OXCT1: variants seen among roughly 807,000 people sequenced by gnomAD.
The protein encoded by OXCT1 is 3-oxoacid CoA-transferase 1.
In OXCT1, 27 loss-of-function variants were observed where a neutral mutation model predicts 69.6. The observed-to-expected ratio is 0.39, with a 90% CI of 0.29 to 0.54. The LOEUF (loss-of-function observed/expected upper bound fraction) is 0.54. Ranked by LOEUF, OXCT1 falls within the 20% of genes least tolerant of loss-of-function variation. The pLI, the probability that OXCT1 is intolerant of heterozygous loss-of-function variation, is 0.72. For missense variants in OXCT1, 437 were observed against 650.2 expected (o/e 0.67, Z 3.57); for synonymous variants, 202 against 217.8 (o/e 0.93, Z 0.64).
chr5:41,854,494 T>C (rs958067672), intron 3 of OXCT1, among the ~76,000 whole-genome samples: 22 of 152,276 alleles, frequency 1.4e-4, no homozygotes, highest in African/African-American at 5.3e-4. Flanking sequence ...AAGATCATCT[T>C]CCATTCAAGA....
chr5:41,747,303 C>T (rs1743545049), intron 15 of OXCT1, among the ~76,000 whole-genome samples: 2 of 152,108 alleles, frequency 1.3e-5, no homozygotes, highest in Admixed American at 1.3e-4. Flanking sequence ...TCTGTGACTA[C>T]ATGTTTTCTT....
At chr5:41,772,125 A>T (rs1368525746) in intron 13 of OXCT1, among the ~76,000 whole-genome samples, 1 of 152,206 alleles carries the variant, frequency 6.6e-6, no homozygotes, top group Non-Finnish European at 1.5e-5. Flanking sequence ...TGGAATATGG[A>T]ATTATTACTA....
chr5:41,845,055 G>A (rs1013778664), intron 5 of OXCT1, among the ~76,000 whole-genome samples: 25 of 151,782 alleles, frequency 1.6e-4, no homozygotes, highest in Non-Finnish European at 3.2e-4. Flanking sequence ...TTCCCACTGC[G>A]TTCCGTAAAA....
At chr5:41,745,857 T>C (rs1438950826) in intron 15 of OXCT1, among the ~76,000 whole-genome samples, 4 of 151,976 alleles carry the variant, frequency 2.6e-5, no homozygotes, top group Admixed American at 6.6e-5. Flanking sequence ...CAGGAAGAAG[T>C]TGAATCTCTG....
chr5:41,779,027 CT>C (rs1347032463), intron 13 of OXCT1, among the ~76,000 whole-genome samples: 1 of 152,186 alleles, frequency 6.6e-6, no homozygotes, highest in Non-Finnish European at 1.5e-5. Flanking sequence ...TAAAATAACT[CT>C]CCACATTTCA....
At position 41,800,387 on chromosome 5, in the gene OXCT1, T is replaced by C. The variant is rs141602821; in HGVS notation, c.1099+635A>G. The stretch of plus-strand genomic sequence containing the variant: ...ACCCCAGTGTACCAGATCTTTTCTT[T>C]TTGCTGCTATGGATTCACTCCCACC... On this transcript the variant is annotated intron_variant, in intron 11 of 16. Coordinates refer to ENST00000196371, the MANE Select transcript of OXCT1 (RefSeq NM_000436.4). Among the ~76,000 whole-genome samples, 13 of 151,930 alleles carry C rather than the reference T, an allele frequency of 8.6e-5. No homozygotes were observed. The East Asian group carries it at 2.6e-3, about 30-fold the overall frequency.
At position 41,851,369 on chromosome 5, in the gene OXCT1, C is replaced by T. The variant is rs75920449; in HGVS notation, c.415-1190G>A. Among the ~76,000 whole-genome samples the T allele has an allele frequency of 3.4e-3, 523 of 152,276 alleles. 1 individual carries two copies. The highest frequency in any genetic ancestry group is 0.012 in the African/African-American group (494 of 41,548). ...TTATCTAGCCAACGGAAAGAGATGA[C>T]TCTACCTTGTGTTGTGAAGTTAGTA... On this transcript the variant is annotated intron_variant, in intron 4 of 16. Transcript: ENST00000196371.
At chr5:41,736,116 C>G (rs1197725675) in intron 16 of OXCT1, among the ~76,000 whole-genome samples, 1 of 152,208 alleles carries the variant, frequency 6.6e-6, no homozygotes, top group African/African-American at 2.4e-5. Context: ...ATTCAGCACT[C>G]AATCCCCAAG....
Position 41,803,140 on chromosome 5 carries a change from G to C in OXCT1, c.979C>G (p.Leu327Val). 6.2e-7 allele frequency: 1 copy of C among 1,611,196 alleles called. No homozygotes were observed. The highest frequency in any genetic ancestry group is 8.5e-7 in the Non-Finnish European group (1 of 1,177,800). The change falls in exon 10 of 17, where the codon CTC (leucine) becomes GTC (valine). Residue 327 changes from leucine (L) to valine (V), a missense_variant. Physicochemically the swap from Leu to Val is conservative, Grantham distance 32. Transcript: ENST00000196371. ...GGGCTGATAAAATTGCTGGCCAGGA[G>C]AGGGATTCCTATGCCCAAATTAGCT... ...MYANLGIGIPLLASNFISPNI... is the reference protein window; with the variant it reads ...MYANLGIGIPVLASNFISPNI...
chr5:41,786,006 G>T (rs1161799751), intron 13 of OXCT1, among the ~76,000 whole-genome samples: 3 of 152,180 alleles, frequency 2.0e-5, no homozygotes, highest in Admixed American at 6.5e-5. Flanking sequence ...GGCAGTAGAA[G>T]AAATGTGAGT....
At chr5:41,810,396 A>G (rs1417826727) in intron 7 of OXCT1, among the ~76,000 whole-genome samples, 3 of 152,080 alleles carry the variant, frequency 2.0e-5, no homozygotes, top group Non-Finnish European at 4.4e-5. Context: ...GGGCAAAGCA[A>G]TGGGCAGATG....
At chr5:41,807,310 C>G (rs1746730038) in intron 8 of OXCT1, 21 bp downstream of exon 8, 3 of 1,261,176 alleles carry the variant, frequency 2.4e-6, no homozygotes, top group Non-Finnish European at 3.5e-6. Context: ...TGAATACTGA[C>G]AAAGCAGCTA....
chr5:41,755,049 G>A (rs531803828), intron 14 of OXCT1, among the ~76,000 whole-genome samples: 3 of 152,090 alleles, frequency 2.0e-5, no homozygotes, highest in South Asian at 2.1e-4. Flanking sequence ...AACCTCCAGA[G>A]GGCAGAGCAC....
At position 41,805,581 on chromosome 5, in the gene OXCT1, T is replaced by G. The variant is rs969075224; in HGVS notation, c.941A>C (p.Glu314Ala). 1 of 1,611,490 alleles carries G rather than the reference T, an allele frequency of 6.2e-7. No homozygotes were observed. Among genetic ancestry groups the G allele is most frequent in the Non-Finnish European group, 8.5e-7 (1 of 1,177,860 alleles). The change falls in exon 9 of 17, where the codon GAG becomes GCG. Residue 314 changes from glutamate (E) to alanine (A), a missense_variant. Glu to Ala is a moderately radical substitution (Grantham distance 107). This residue lies in a region of OXCT1 where 252 missense variants were observed against 397.4 expected (regional missense o/e 0.63). Coordinates refer to ENST00000196371, the MANE Select transcript of OXCT1 (RefSeq NM_000436.4). Reference protein sequence around the residue: ...RIIKRAALEFEDGMYANLGIG... With the variant: ...RIIKRAALEFADGMYANLGIG... Reference sequence around the variant, plus strand: ...ATAAAGGATACCATACATGCCATCCTCAAACTCAAGAGCGGCCCTCTTGAT... The same window carrying G: ...ATAAAGGATACCATACATGCCATCCGCAAACTCAAGAGCGGCCCTCTTGAT...
At chr5:41,782,475 A>G (rs1256860619) in intron 13 of OXCT1, among the ~76,000 whole-genome samples, 1 of 151,958 alleles carries the variant, frequency 6.6e-6, no homozygotes, top group African/African-American at 2.4e-5. Context: ...TAGCCCCCCA[A>G]AGTGCTGGGA....
At chr5:41,850,352 G>A (rs1749122383) in intron 4 of OXCT1, among the ~76,000 whole-genome samples, 173 bp from the exon 5 acceptor site, 1 of 152,108 alleles carries the variant, frequency 6.6e-6, no homozygotes, top group African/African-American at 2.4e-5. Context: ...ATTTTAAGAA[G>A]TTACTGCCCC....
intron 7 of OXCT1, among the ~76,000 whole-genome samples, chr5:41,820,613 T>C (rs569144867): frequency 6.6e-6 from 1 of 152,208 alleles, no homozygotes; most frequent in African/African-American, 2.4e-5. Context: ...ACTAAAATGG[T>C]CCCTATTTTA....
At chr5:41,802,638 G>C (rs1295158528) in intron 10 of OXCT1, among the ~76,000 whole-genome samples, 1 of 151,936 alleles carries the variant, frequency 6.6e-6, no homozygotes, top group Non-Finnish European at 1.5e-5. Context: ...ATTTAACATA[G>C]AACTATTGAC....
intron 1 of OXCT1, among the ~76,000 whole-genome samples, chr5:41,865,869 C>A (rs1167876035): frequency 1.3e-5 from 2 of 152,236 alleles, no homozygotes; most frequent in African/African-American, 4.8e-5. Context: ...TTGGAAAATG[C>A]AAACTTTTCT....
Sources: allele counts gnomAD v4.1 joint callset (sites outside exome capture counted in the v4.1 genomes callset), GRCh38; gene constraint gnomAD v4.1.1; regional missense constraint gnomAD v4.1.1; transcripts MANE v1.5; gene names NCBI Gene and HGNC (gene_info 2026-07-23, HGNC 2026-07-21).